Variants in PARD3 observed in about 807,000 individuals in gnomAD.
PARD3 encodes partitioning defective 3 homolog.
In PARD3, 75 loss-of-function variants were observed where a neutral mutation model predicts 155.4. The observed-to-expected ratio is 0.48, with a 90% CI of 0.40 to 0.58. PARD3 has a LOEUF of 0.58. PARD3 is among the 20% of genes least tolerant of loss of function. The probability of loss-of-function intolerance (pLI) is 0.00; values close to 1 mark genes in which losing one functional copy is unlikely to be tolerated. For missense variants in PARD3, 1,642 were observed against 1,721.7 expected (o/e 0.95, Z 0.82); for synonymous variants, 576 against 610.5 (o/e 0.94, Z 0.83).
chr10:34,542,381 T>C lies in PARD3; in HGVS notation c.223-25222A>G, dbSNP rs568596946. On this transcript the variant is annotated intron_variant, in intron 2 of 24. Coordinates refer to ENST00000374788, the MANE Select transcript of PARD3 (RefSeq NM_001184785.2). Reference sequence around the variant, plus strand: ...GTGAGACATATTTGGTTGTCATAACTGGGGTCAATATTATTGACCTCTAAA... The same window carrying C: ...GTGAGACATATTTGGTTGTCATAACCGGGGTCAATATTATTGACCTCTAAA... 3.9e-5 allele frequency among the ~76,000 whole-genome samples: 6 copies of C among 152,276 alleles called. No individual in the cohort carries two copies. In the South Asian group the frequency reaches 1.0e-3, roughly 26 times the overall value.
At chr10:34,589,715 G>C (rs978957376) in intron 2 of PARD3, among the ~76,000 whole-genome samples, 2 of 91,842 alleles carry the variant, frequency 2.2e-5, no homozygotes, top group African/African-American at 8.7e-5. Flanking sequence ...TGAACTCATT[G>C]TATCTTGTTA....
At chr10:34,209,931 A>G (rs1951659059) in intron 22 of PARD3, among the ~76,000 whole-genome samples, 1 of 152,350 alleles carries the variant, frequency 6.6e-6, no homozygotes, top group South Asian at 2.1e-4. Context: ...ATTTATATGT[A>G]AAGTTAATCC....
At chr10:34,735,531 C>G (rs192817328) in intron 1 of PARD3, among the ~76,000 whole-genome samples, 2 of 152,332 alleles carry the variant, frequency 1.3e-5, no homozygotes, top group East Asian at 3.9e-4. Flanking sequence ...CACAACAGAT[C>G]TGCTGCCAGT....
At chr10:34,557,047 G>A (rs568734913) in intron 2 of PARD3, among the ~76,000 whole-genome samples, 42 of 152,272 alleles carry the variant, frequency 2.8e-4, no homozygotes, top group African/African-American at 9.6e-4. Context: ...CAATAGCTCA[G>A]CAATGTTCAA....
chr10:34,425,757 G>C (rs993273081), intron 5 of PARD3, among the ~76,000 whole-genome samples: 3 of 152,118 alleles, frequency 2.0e-5, no homozygotes, highest in Non-Finnish European at 4.4e-5. Flanking sequence ...CTGACTTTTT[G>C]CCAAGGATTT....
intron 22 of PARD3, among the ~76,000 whole-genome samples, chr10:34,142,550 C>G (rs1179236529): frequency 7.1e-6 from 1 of 141,624 alleles, no homozygotes; most frequent in Non-Finnish European, 1.5e-5. Flanking sequence ...AAGAAAGAAA[C>G]AAAGAAAAGA....
chr10:34,272,460 C>T (rs1209607206), intron 21 of PARD3, among the ~76,000 whole-genome samples: 4 of 152,070 alleles, frequency 2.6e-5, no homozygotes, highest in African/African-American at 9.7e-5. Flanking sequence ...TCAGCCTTCT[C>T]GGCTCATACC....
chr10:34,797,157 CTAAG>C (rs780129346), intron 1 of PARD3, among the ~76,000 whole-genome samples: 3 of 152,128 alleles, frequency 2.0e-5, no homozygotes, highest in East Asian at 1.9e-4. Flanking sequence ...TTCCAAGGAG[CTAAG>C]TAAGTGGTTA....
At position 34,148,675 on chromosome 10, in the gene PARD3, T is replaced by C. The variant is rs536355183; in HGVS notation, c.3420-17092A>G. Among the ~76,000 whole-genome samples the C allele has an allele frequency of 5.9e-5, 9 of 152,292 alleles. No homozygotes were observed. The South Asian group carries it at 1.9e-3, about 32-fold the overall frequency. On this transcript the variant is annotated intron_variant, in intron 22 of 24. Coordinates refer to ENST00000374788, the MANE Select transcript of PARD3 (RefSeq NM_001184785.2). ...ACATTTAATGAAGTTGAAGATGTTT[T>C]CCATAGAGATAAATTTATACGATAC...
chr10:34,305,539 GA>G (rs1443762311), intron 20 of PARD3, among the ~76,000 whole-genome samples: 1 of 152,236 alleles, frequency 6.6e-6, no homozygotes, highest in Non-Finnish European at 1.5e-5. Flanking sequence ...AGGCAGACAT[GA>G]AAGGGCAATT....
intron 4 of PARD3, among the ~76,000 whole-genome samples, chr10:34,455,613 G>A (rs982594827): frequency 6.6e-6 from 1 of 152,110 alleles, no homozygotes; most frequent in African/African-American, 2.4e-5. Flanking sequence ...AGATAAGGGT[G>A]AAATAAAATG....
chr10:34,803,432 G>C (rs546007498), intron 1 of PARD3, among the ~76,000 whole-genome samples: 2 of 152,006 alleles, frequency 1.3e-5, no homozygotes, highest in Non-Finnish European at 2.9e-5. Flanking sequence ...TTCAGCTAAC[G>C]GTGTTTTTGC....
chr10:34,497,785 C>T (rs1240918664), intron 3 of PARD3, among the ~76,000 whole-genome samples: 1 of 152,130 alleles, frequency 6.6e-6, no homozygotes, highest in Non-Finnish European at 1.5e-5. Context: ...GGCCTCAACT[C>T]AATTTACTTA....
At chr10:34,204,321 T>C (rs1434036569) in intron 22 of PARD3, among the ~76,000 whole-genome samples, 1 of 152,168 alleles carries the variant, frequency 6.6e-6, no homozygotes, top group Non-Finnish European at 1.5e-5. Flanking sequence ...GAGAGTCCAG[T>C]GGCAGTGGGC....
intron 2 of PARD3, among the ~76,000 whole-genome samples, chr10:34,634,017 C>T (rs902172318): frequency 6.6e-6 from 1 of 152,182 alleles, no homozygotes; most frequent in Non-Finnish European, 1.5e-5. Flanking sequence ...AGCCTGAGTC[C>T]TCTGACCTGT....
intron 3 of PARD3, among the ~76,000 whole-genome samples, chr10:34,493,681 A>C (rs1213558834): frequency 6.6e-6 from 1 of 152,010 alleles, no homozygotes; most frequent in Non-Finnish European, 1.5e-5. Flanking sequence ...GCAGTGATCC[A>C]AGATAGTGCC....
chr10:34,805,708 G>T (rs568858210), intron 1 of PARD3, among the ~76,000 whole-genome samples: 2 of 152,052 alleles, frequency 1.3e-5, no homozygotes, highest in Non-Finnish European at 2.9e-5. Flanking sequence ...CGGGCGCGGT[G>T]GCTCACGCCT....
At chr10:34,591,231 A>C (rs2088648385) in intron 2 of PARD3, among the ~76,000 whole-genome samples, 1 of 152,054 alleles carries the variant, frequency 6.6e-6, no homozygotes, top group South Asian at 2.1e-4. Context: ...GCCAATAATA[A>C]ATAAATCTTA....
At chr10:34,380,637 T>C (rs1472645207) in intron 9 of PARD3, among the ~76,000 whole-genome samples, 1 of 152,180 alleles carries the variant, frequency 6.6e-6, no homozygotes, top group Non-Finnish European at 1.5e-5. Flanking sequence ...GTATTTCTCA[T>C]TCTTTCATTA....
Sources: gnomAD v4.1 joint callset for allele counts (sites outside exome capture counted in the v4.1 genomes callset) on GRCh38, gnomAD v4.1.1 for gene constraint, MANE v1.5 for transcripts, NCBI Gene and HGNC (gene_info 2026-07-23, HGNC 2026-07-21) for gene names.